PCDHGB7: variants seen among roughly 807,000 people sequenced by gnomAD.
PCDHGB7 encodes protocadherin gamma-B7.
In PCDHGB7, 37 loss-of-function variants were observed where a neutral mutation model predicts 61.4. That is an observed-to-expected ratio of 0.60 (90% confidence interval 0.46 to 0.79). The LOEUF is 0.79. Among genes scored for constraint, PCDHGB7 ranks in the 30% least tolerant of loss-of-function variants. The pLI is 0.00. For synonymous variants in PCDHGB7, 464 were observed against 503.5 expected (o/e 0.92, Z 1.05); for missense variants, 1,166 against 1,202.5 (o/e 0.97, Z 0.45).
At chr5:141,449,025 C>G (rs2154562458) in intron 1 of PCDHGB7, among the ~76,000 whole-genome samples, 1 of 152,216 alleles carries the variant, frequency 6.6e-6, no homozygotes, top group East Asian at 1.9e-4. Flanking sequence ...GCTTAGCATT[C>G]CTTTGGATTA....
At chr5:141,422,561 A>T in intron 1 of PCDHGB7, 1 of 1,613,992 alleles carries the variant, frequency 6.2e-7, no homozygotes, top group Non-Finnish European at 8.5e-7. Context: ...AATGTGGCAG[A>T]TGACAACGAT....
chr5:141,454,385 T>C (rs1168439343), intron 1 of PCDHGB7, among the ~76,000 whole-genome samples: 5 of 152,194 alleles, frequency 3.3e-5, no homozygotes, highest in Non-Finnish European at 7.4e-5. Flanking sequence ...CTTGTCAAGA[T>C]GAAGAAAAGG....
chr5:141,470,054 C>T (rs895181664), intron 1 of PCDHGB7, among the ~76,000 whole-genome samples: 2 of 152,118 alleles, frequency 1.3e-5, no homozygotes, highest in African/African-American at 4.8e-5. Flanking sequence ...GTTTGAACCC[C>T]GGAGGCAGAG....
Position 141,450,757 on chromosome 5 carries a change from G to A in PCDHGB7, c.2415+30483G>A, listed in dbSNP as rs575351311. Among the ~76,000 whole-genome samples, 5 of 151,964 alleles carry A rather than the reference G, an allele frequency of 3.3e-5. No individual in the cohort carries two copies. In the East Asian group the frequency reaches 9.7e-4, roughly 29 times the overall value. ...CCGCCTTGGCCTCCCAAAGTGCCGG[G>A]ATTACAGGCATGAGCCACCGTGCCC... On this transcript the variant is annotated intron_variant, in intron 1 of 3. Coordinates refer to ENST00000398594, the MANE Select transcript of PCDHGB7 (RefSeq NM_018927.4).
intron 1 of PCDHGB7, among the ~76,000 whole-genome samples, chr5:141,456,006 T>C (rs909931677): frequency 6.6e-6 from 1 of 151,852 alleles, no homozygotes; most frequent in Non-Finnish European, 1.5e-5. Flanking sequence ...CATGCCATTC[T>C]CCTGCCTCAG....
rs780843098 is a variant in PCDHGB7 at position 141,431,185 on chromosome 5, T to C, written c.2415+10911T>C. On this transcript the variant is annotated intron_variant, in intron 1 of 3. Coordinates refer to ENST00000398594, the MANE Select transcript of PCDHGB7 (RefSeq NM_018927.4). The surrounding 1 kb of genome is among the most constrained non-coding windows in gnomAD (Gnocchi z 4.8). ...GTGAAAGTGAATTAGAAATAAAAAT[T>C]AGTGAAAATGCAGCCACTGAGATGC... The C allele has an allele frequency of 3.1e-6, 5 of 1,613,982 alleles. No homozygotes were observed. The highest frequency in any genetic ancestry group is 4.2e-6 in the Non-Finnish European group (5 of 1,180,016).
Position 141,419,845 on chromosome 5 carries a change from G to A in PCDHGB7, c.1986G>A (p.Leu662=). 3 of 1,614,064 alleles carry A rather than the reference G, an allele frequency of 1.9e-6. No homozygotes were observed. Among genetic ancestry groups the A allele is most frequent in the Non-Finnish European group, 2.5e-6 (3 of 1,179,890 alleles). Residue 662 remains leucine, a synonymous_variant, in exon 1 of 4, where the codon CTG becomes CTA. Coordinates refer to ENST00000398594, the MANE Select transcript of PCDHGB7 (RefSeq NM_018927.4). ...PPLSATATLH[L]VFADSLQEVL... ...TTTCAGCCACTGCCACGCTGCACCT[G>A]GTGTTCGCAGATAGCTTGCAAGAGG...
rs770235234 is a variant in PCDHGB7 at position 141,422,145 on chromosome 5, G to T, written c.2415+1871G>T. On this transcript the variant is annotated intron_variant, in intron 1 of 3. Coordinates refer to ENST00000398594, the MANE Select transcript of PCDHGB7 (RefSeq NM_018927.4). Reference sequence around the variant, plus strand: ...AAACTGGAGAAGTTCAAGTACGGGGGTCTCTGGATTTTGAAAAATATAGAT... The same window carrying T: ...AAACTGGAGAAGTTCAAGTACGGGGTTCTCTGGATTTTGAAAAATATAGAT... The T allele has an allele frequency of 8.2e-6, 13 of 1,580,608 alleles. No individual in the cohort carries two copies. The African/African-American group carries it at 1.5e-4, about 18-fold the overall frequency.
intron 1 of PCDHGB7, among the ~76,000 whole-genome samples, chr5:141,484,740 G>GA (rs1047805396): frequency 2.0e-5 from 3 of 150,646 alleles, no homozygotes; most frequent in Admixed American, 1.3e-4. Context: ...GGTGTGTTAG[G>GA]AAAAAAAATG....
chr5:141,435,296 T>A (rs545583818), intron 1 of PCDHGB7, among the ~76,000 whole-genome samples: 44 of 152,328 alleles, frequency 2.9e-4, no homozygotes, highest in African/African-American at 9.9e-4. Context: ...AGTCATTTCA[T>A]GGTTTTAAAT....
At position 141,418,794 on chromosome 5, in the gene PCDHGB7, TAGAA is replaced by T; in HGVS notation, c.939_942del (p.Glu313AspfsTer4). ...CAGCAGCCTTTGGATTTTGAAGAAG[TAGAA>T]AGATATACGATAAACATAGAAGCAA... On this transcript the variant is annotated frameshift_variant, in exon 1 of 4. Transcript: ENST00000398594. LOFTEE classifies it high-confidence loss of function. The T allele has an allele frequency of 6.2e-7, 1 of 1,613,706 alleles. No individual in the cohort carries two copies. Among genetic ancestry groups the T allele is most frequent in the South Asian group, 1.1e-5 (1 of 91,062 alleles).
Position 141,491,722 on chromosome 5 carries a change from CG to C in PCDHGB7, c.2416-3082del. Reference sequence around the variant, plus strand: ...CCAGGTGAGGGGCTCGGCGCCGCCCCGGGCGACCCCTGGGGGCGGCACTGGA... The same window carrying C: ...CCAGGTGAGGGGCTCGGCGCCGCCCCGGCGACCCCTGGGGGCGGCACTGGA... On this transcript the variant is annotated intron_variant, in intron 1 of 3. Transcript: ENST00000398594. The surrounding 1 kb of genome is among the most constrained non-coding windows in gnomAD (Gnocchi z 6.9). The C allele has an allele frequency of 1.2e-6, 2 of 1,607,004 alleles. No homozygotes were observed. Among genetic ancestry groups the C allele is most frequent in the Non-Finnish European group, 1.7e-6 (2 of 1,177,148 alleles).
chr5:141,490,951 T>G lies in PCDHGB7; in HGVS notation c.2416-3856T>G, dbSNP rs778168052. On this transcript the variant is annotated intron_variant, in intron 1 of 3. Transcript: ENST00000398594. The surrounding 1 kb of genome is among the most constrained non-coding windows in gnomAD (Gnocchi z 5.4). ...AGCTGTGCTGCACCCACGGCCAGACTGGGAACACTCAGCCCCCCAGCGTCT... is the reference window on the plus strand; with the variant it reads ...AGCTGTGCTGCACCCACGGCCAGACGGGGAACACTCAGCCCCCCAGCGTCT... The G allele has an allele frequency of 6.2e-7, 1 of 1,613,638 alleles. No individual in the cohort carries two copies. The highest frequency in any genetic ancestry group is 1.3e-5 in the African/African-American group (1 of 74,900).
At position 141,432,395 on chromosome 5, in the gene PCDHGB7, G is replaced by A; in HGVS notation, c.2415+12121G>A. 6.2e-7 allele frequency: 1 copy of A among 1,614,240 alleles called. No individual in the cohort carries two copies. ...CGGGCACCCGCCCCTCAGCAGCAAC[G>A]TGTCGTTGAGCCTGTTCGTGCTGGA... On this transcript the variant is annotated intron_variant, in intron 1 of 3. Coordinates refer to ENST00000398594, the MANE Select transcript of PCDHGB7 (RefSeq NM_018927.4). This position sits in a 1 kb window ranked among gnomAD's most constrained non-coding sequence, Gnocchi z 6.0.
rs138745923 is a variant in PCDHGB7, at chr5:141,420,954, A to C, written c.2415+680A>C. On this transcript the variant is annotated intron_variant, in intron 1 of 3. Transcript: ENST00000398594. ...GTAATCATTTCTTCTGGAATTTCTTAGTCGTTGCAATAATAAGAATGGGCT... is the reference window on the plus strand; with the variant it reads ...GTAATCATTTCTTCTGGAATTTCTTCGTCGTTGCAATAATAAGAATGGGCT... 3.9e-3 allele frequency: 1,621 copies of C among 412,482 alleles called. 10 individuals are homozygous for C. The highest frequency in any genetic ancestry group is 0.01 in the Admixed American group (249 of 24,550). The allele number at this position is 412,482 out of a possible 1,614,324, so 25.6% of individuals were successfully genotyped here.
chr5:141,494,675 C>A, intron 1 of PCDHGB7, 132 bp from the exon 2 acceptor site: 2 of 1,548,574 alleles, frequency 1.3e-6, no homozygotes, highest in South Asian at 1.2e-5. Flanking sequence ...TGAGTCCACC[C>A]CTGCCCCCTC....
chr5:141,450,010 T>A (rs2098664468), intron 1 of PCDHGB7, among the ~76,000 whole-genome samples: 1 of 135,330 alleles, frequency 7.4e-6, no homozygotes, highest in African/African-American at 3.3e-5. Flanking sequence ...ATGTCTCTTT[T>A]TTTTTTTTTT....
chr5:141,488,634 G>A (rs937680420), intron 1 of PCDHGB7, among the ~76,000 whole-genome samples: 4 of 152,150 alleles, frequency 2.6e-5, no homozygotes, highest in Non-Finnish European at 4.4e-5. Context: ...CACCTTAGCA[G>A]CATTCAGCAG....
intron 2 of PCDHGB7, among the ~76,000 whole-genome samples, chr5:141,502,048 ACTTTATTCC>A (rs1055762924): frequency 6.6e-5 from 10 of 151,746 alleles, no homozygotes; most frequent in African/African-American, 2.4e-4. Context: ...TGCTCTCCCT[ACTTTATTCC>A]CATTAGCCCC....
Sources: allele counts gnomAD v4.1 joint callset (sites outside exome capture counted in the v4.1 genomes callset), GRCh38; gene constraint gnomAD v4.1.1; non-coding constraint Gnocchi (gnomAD v3.1); transcripts MANE v1.5; gene names NCBI Gene and HGNC (gene_info 2026-07-23, HGNC 2026-07-21).